Variants in NTRK2 observed in about 807,000 individuals in gnomAD.
NTRK2 encodes BDNF/NT-3 growth factors receptor.
In NTRK2, 13 loss-of-function variants were observed where a neutral mutation model predicts 94.5. That is an observed-to-expected ratio of 0.14 (90% CI 0.09 to 0.22). The LOEUF is 0.22. NTRK2 is among the 10% of genes least tolerant of loss of function. The pLI is 1.00. For synonymous variants in NTRK2, 372 were observed against 407.4 expected, an observed-to-expected ratio of 0.91 and a Z score of 1.05; for missense variants, 639 against 1,071.2, an observed-to-expected ratio of 0.60 and a Z score of 5.63.
At chr9:84,816,687 G>A (rs1198789163) in intron 12 of NTRK2, among the ~76,000 whole-genome samples, 1 of 150,108 alleles carries the variant, frequency 6.7e-6, no homozygotes, top group Non-Finnish European at 1.5e-5. Flanking sequence ...GCTGAGGCAG[G>A]AGAATCATTT....
At chr9:84,740,115 A>G (rs2132277701) in intron 9 of NTRK2, among the ~76,000 whole-genome samples, 1 of 152,318 alleles carries the variant, frequency 6.6e-6, no homozygotes. Context: ...TTGGGCTTAT[A>G]GAATCTTTCC....
rs56826522 is a variant in NTRK2, at chr9:84,901,204, G to GTTTTA, written c.1634-32928_1634-32924dup. Among the ~76,000 whole-genome samples, 543 of 138,344 alleles carry GTTTTA rather than the reference G, an allele frequency of 3.9e-3. 3 individuals carry two copies. The highest frequency in any genetic ancestry group is 0.013 in the African/African-American group (485 of 36,800). The allele number at this position is 138,344 out of a possible 152,430, so 90.8% of individuals were successfully genotyped here. A position where few individuals can be genotyped will look rare whatever the true frequency, so the allele number is the denominator to read the frequency against. On this transcript the variant is annotated intron_variant, in intron 14 of 18. Transcript: ENST00000277120. ...ATTTTGTTTTGTTTTGTTTTGTTTT[G>GTTTTA]TTTTATTTTATTTTATTTTATTTTA...
chr9:84,744,538 G>C (rs538941360), intron 10 of NTRK2, among the ~76,000 whole-genome samples: 3 of 152,020 alleles, frequency 2.0e-5, no homozygotes, highest in South Asian at 4.2e-4. Context: ...CCTTCACCTG[G>C]TCATGTAACT....
At chr9:84,684,827 T>C (rs2059611217) in intron 2 of NTRK2, among the ~76,000 whole-genome samples, 1 of 152,184 alleles carries the variant, frequency 6.6e-6, no homozygotes, top group Non-Finnish European at 1.5e-5. Context: ...TCTTTTTTAA[T>C]TGAATTGATG....
chr9:84,871,183 C>T (rs924748353), intron 14 of NTRK2, among the ~76,000 whole-genome samples: 1 of 152,084 alleles, frequency 6.6e-6, no homozygotes, highest in Admixed American at 6.6e-5. Flanking sequence ...GGTTAGAGCA[C>T]GGGTCCAAAA....
At chr9:84,671,106 C>T in intron 2 of NTRK2, 146 bp downstream of exon 2, 1 of 786,130 alleles carries the variant, frequency 1.3e-6, no homozygotes, top group Non-Finnish European at 2.2e-6. Flanking sequence ...CTGTCAGTTA[C>T]CTGCTGTTTC....
At chr9:84,752,211 G>A (rs911768052) in intron 12 of NTRK2, 126 bp downstream of exon 12, 3 of 773,754 alleles carry the variant, frequency 3.9e-6, no homozygotes, top group Non-Finnish European at 4.5e-6. Flanking sequence ...TAAAAAAATA[G>A]CAACAAGGCT....
chr9:84,923,147 C>G (rs2077623601), intron 14 of NTRK2, among the ~76,000 whole-genome samples: 1 of 152,142 alleles, frequency 6.6e-6, no homozygotes, highest in Non-Finnish European at 1.5e-5. Flanking sequence ...AGGAGAGCAG[C>G]CTGGGAAGCT....
chr9:84,802,608 G>T (rs1211798352), intron 12 of NTRK2, among the ~76,000 whole-genome samples: 1 of 152,228 alleles, frequency 6.6e-6, no homozygotes, highest in Non-Finnish European at 1.5e-5. Context: ...GAGGCTTCTA[G>T]AACTGTGGGT....
intron 15 of NTRK2, among the ~76,000 whole-genome samples, chr9:84,936,091 C>T (rs1403410109): frequency 6.6e-6 from 1 of 152,130 alleles, no homozygotes; most frequent in African/African-American, 2.4e-5. Flanking sequence ...ACAAGATGGA[C>T]TCTTTGAATG....
At chr9:84,670,019 G>A (rs568953874) in intron 1 of NTRK2, 131 bp downstream of exon 1, 193 of 158,516 alleles carry the variant, frequency 1.2e-3, no homozygotes, top group Admixed American at 3.8e-3. Flanking sequence ...GGCCGTGGCG[G>A]ATTCTGCAGC....
intron 6 of NTRK2, among the ~76,000 whole-genome samples, chr9:84,720,660 AAG>A (rs544530987): frequency 1.7e-3 from 260 of 152,330 alleles, no homozygotes; most frequent in Non-Finnish European, 3.0e-3. Flanking sequence ...AAAAGCACCA[AAG>A]AGAGAAAGAG....
chr9:84,810,730 T>A, intron 12 of NTRK2: 1 of 1,535,330 alleles, frequency 6.5e-7, no homozygotes, highest in Non-Finnish European at 8.8e-7. Context: ...GTTTGGAGGC[T>A]GTACTATATG....
At chr9:84,949,269 C>T (rs971375723) in intron 16 of NTRK2, among the ~76,000 whole-genome samples, 9 of 152,082 alleles carry the variant, frequency 5.9e-5, no homozygotes, top group African/African-American at 1.9e-4. Flanking sequence ...CCAGATTATG[C>T]GGAGACCCTG....
intron 12 of NTRK2, chr9:84,811,435 T>C: frequency 9.4e-7 from 1 of 1,065,986 alleles, no homozygotes; most frequent in Non-Finnish European, 1.1e-6. Context: ...ATGCATATGG[T>C]GAAATTATAA....
intron 15 of NTRK2, among the ~76,000 whole-genome samples, chr9:84,942,796 T>A (rs1177564104): frequency 6.6e-6 from 1 of 152,022 alleles, no homozygotes; most frequent in African/African-American, 2.4e-5. Context: ...CTAAAATACA[T>A]CTCAATTTGG....
chr9:84,908,954 AG>A (rs1347448450), intron 14 of NTRK2, among the ~76,000 whole-genome samples: 1 of 152,164 alleles, frequency 6.6e-6, no homozygotes, highest in East Asian at 1.9e-4. Flanking sequence ...TTCCCCCAAT[AG>A]TAACACCTTG....
At chr9:84,705,567 T>C (rs963480863) in intron 4 of NTRK2, among the ~76,000 whole-genome samples, 2 of 152,182 alleles carry the variant, frequency 1.3e-5, no homozygotes, top group Non-Finnish European at 2.9e-5. Flanking sequence ...GCGGCGGTTT[T>C]ACCAGCAGAC....
chr9:84,741,292 C>T (rs1183905091), intron 9 of NTRK2, among the ~76,000 whole-genome samples: 1 of 152,164 alleles, frequency 6.6e-6, no homozygotes, highest in Non-Finnish European at 1.5e-5. Flanking sequence ...ACTTCTTACA[C>T]ATCAATGATT....
Sources: allele counts gnomAD v4.1 joint callset (sites outside exome capture counted in the v4.1 genomes callset), GRCh38; gene constraint gnomAD v4.1.1; transcripts MANE v1.5; gene names NCBI Gene and HGNC (gene_info 2026-07-23, HGNC 2026-07-21).